The following TBC1D30 variants were observed in gnomAD, a reference collection of about 807,000 sequenced individuals.
The protein encoded by TBC1D30 is TBC1 domain family, member 30.
Under a neutral mutation model 63.2 loss-of-function variants are expected in TBC1D30, and 31 were observed. The ratio of observed to expected loss-of-function variants is 0.49; its 90% CI spans 0.37 to 0.66. The LOEUF is 0.66. Among genes scored for constraint, TBC1D30 ranks in the 30% least tolerant of loss-of-function variants. TBC1D30 has a pLI of 0.00. For synonymous variants in TBC1D30, 307 were observed against 361.5 expected, an observed-to-expected ratio of 0.85 and a Z score of 1.71; for missense variants, 810 against 953.6, an observed-to-expected ratio of 0.85 and a Z score of 1.98.
chr12:64,839,306 T>C (rs2136392190), intron 7 of TBC1D30, among the ~76,000 whole-genome samples: 1 of 152,346 alleles, frequency 6.6e-6, no homozygotes, highest in African/African-American at 2.4e-5. Flanking sequence ...GTAGAACACA[T>C]AGAACTTCTT....
chr12:64,827,990 T>G (rs190196939), intron 2 of TBC1D30, 94 bp downstream of exon 2: 290 of 871,042 alleles, frequency 3.3e-4, no homozygotes, highest in Non-Finnish European at 4.2e-4. Flanking sequence ...TTCTTTGATA[T>G]GAATGTGAAG....
At chr12:64,794,390 C>G (rs1872124514) in intron 2 of TBC1D30, among the ~76,000 whole-genome samples, 1 of 151,588 alleles carries the variant, frequency 6.6e-6, no homozygotes. Context: ...TTTCCTCTTT[C>G]TGGGGTTCTA....
chr12:64,799,495 T>C (rs544719263), intron 2 of TBC1D30, among the ~76,000 whole-genome samples: 1 of 152,368 alleles, frequency 6.6e-6, no homozygotes, highest in Non-Finnish European at 1.5e-5. Context: ...AAGGCAATTA[T>C]GAAGGTTGCT....
rs1194537729 is a variant in TBC1D30 at position 64,875,525 on chromosome 12, C to T, written c.2023C>T (p.His675Tyr). The change falls in exon 12 of 12, where the codon CAC (histidine) becomes TAC (tyrosine). Residue 675 changes from histidine to tyrosine, a missense_variant. His to Tyr is a moderately conservative substitution (Grantham distance 83). Coordinates refer to ENST00000539867, the MANE Select transcript of TBC1D30 (RefSeq NM_015279.2). ...DAAAETELRV[H>Y]PPCQRHCPEP... ...TGCAGCTGAAACTGAGCTCAGGGTG[C>T]ACCCACCCTGCCAGCGGCACTGCCC... 11 of 1,536,008 alleles carry T rather than the reference C, an allele frequency of 7.2e-6. No individual in the cohort carries two copies. The highest frequency in any genetic ancestry group is 9.6e-6 in the Non-Finnish European group (11 of 1,146,916).
intron 1 of TBC1D30, among the ~76,000 whole-genome samples, chr12:64,771,601 G>T (rs143982872): frequency 6.6e-6 from 1 of 152,112 alleles, no homozygotes; most frequent in African/African-American, 2.4e-5. Flanking sequence ...CTCAGCTCAC[G>T]TCCAAGGGCC....
At chr12:64,781,974 G>T (rs569167743) in intron 1 of TBC1D30, among the ~76,000 whole-genome samples, 1 of 151,878 alleles carries the variant, frequency 6.6e-6, no homozygotes, top group Non-Finnish European at 1.5e-5. Context: ...GCATGGAGAG[G>T]TCGACCTGAG....
At chr12:64,808,700 A>G (rs2136326682) in intron 2 of TBC1D30, among the ~76,000 whole-genome samples, 1 of 152,280 alleles carries the variant, frequency 6.6e-6, no homozygotes, top group Middle Eastern at 3.4e-3. Flanking sequence ...TCATCTTGCA[A>G]AATTGAAACT....
At chr12:64,780,793 C>A in exon 1 of TBC1D30, 1 of 990,618 alleles carries the variant, frequency 1.0e-6, no homozygotes, top group African/African-American at 1.7e-5. Flanking sequence ...AGCCGGGCAG[C>A]CGCGCGCCGG....
At chr12:64,776,433 C>T (rs959278026), upstream of TBC1D30, among the ~76,000 whole-genome samples, 5 of 152,116 alleles carry the variant, frequency 3.3e-5, no homozygotes, top group Admixed American at 2.0e-4. Flanking sequence ...AATATTACCA[C>T]TGAACACACA....
rs1878598873 is a variant in TBC1D30 at position 64,870,808 on chromosome 12, G to A, written c.1498G>A (p.Asp500Asn). Residue 500 changes from aspartate (D) to asparagine (N), a missense_variant and splice_region_variant, in exon 11 of 12, where the codon GAC becomes AAC. By Grantham distance (23) the Asp-to-Asn change is conservative (BLOSUM62 1). Around this residue, in one of 4 missense-constraint regions of TBC1D30, gnomAD observed 450 missense variants for 473.0 expected, o/e 0.95. Coordinates refer to ENST00000539867, the MANE Select transcript of TBC1D30 (RefSeq NM_015279.2). ...QQVHQVYIRA[D>N]KGPVTSILPS... ...GGTTCATCAGGTGTACATCAGGGCA[G>A]GTAATGTGATTCTTCATTTGAATCA... 6 of 1,535,766 alleles carry A rather than the reference G, an allele frequency of 3.9e-6. No individual in the cohort carries two copies. The highest frequency in any genetic ancestry group is 1.4e-5 in the African/African-American group (1 of 73,022).
chr12:64,766,409 TAAAG>T (rs1051784355), intron 1 of TBC1D30, among the ~76,000 whole-genome samples: 11 of 152,000 alleles, frequency 7.2e-5, no homozygotes, highest in African/African-American at 2.7e-4. Context: ...AAACTAGTAA[TAAAG>T]AAAAGTAGAC....
At position 64,830,478 on chromosome 12, in the gene TBC1D30, C is replaced by T; in HGVS notation, c.384C>T (p.Asp128=). Residue 128 remains aspartate, a synonymous_variant, in exon 4 of 12, where the codon GAC becomes GAT. Transcript: ENST00000539867. ...ATGAAAGGAGTAATCCTGATGATGA[C>T]TCCATGGGAATTCAGATAGTCAAGG... is the stretch of plus-strand genomic sequence containing the variant. ...TFNERSNPDD[D]SMGIQIVKDL... is the part of the protein sequence containing the mutation. 6.5e-7 allele frequency: 1 copy of T among 1,534,154 alleles called. No homozygotes were observed. Among genetic ancestry groups the T allele is most frequent in the South Asian group, 1.2e-5 (1 of 83,748 alleles).
At chr12:64,824,624 C>T (rs9804897), upstream of TBC1D30, 2 of 393,546 alleles carry the variant, frequency 5.1e-6, no homozygotes, top group South Asian at 1.8e-4. Context: ...CCGCCCTCCC[C>T]GCCTCGAGCG....
intron 2 of TBC1D30, among the ~76,000 whole-genome samples, chr12:64,790,904 A>T (rs1871879380): frequency 6.6e-6 from 1 of 152,176 alleles, no homozygotes; most frequent in Non-Finnish European, 1.5e-5. Context: ...TATAAAAATA[A>T]TCCACCCAGC....
chr12:64,847,459 A>C (rs575605239), intron 8 of TBC1D30, among the ~76,000 whole-genome samples: 1 of 151,960 alleles, frequency 6.6e-6, no homozygotes, highest in African/African-American at 2.4e-5. Context: ...GTGCTTTAAT[A>C]TATGTCATTA....
chr12:64,785,615 T>C (rs1211801785), intron 1 of TBC1D30, among the ~76,000 whole-genome samples: 2 of 152,154 alleles, frequency 1.3e-5, no homozygotes, highest in African/African-American at 4.8e-5. Context: ...GAGCTAGATA[T>C]GGTAAAAGTA....
chr12:64,771,851 G>C (rs1314110110), intron 1 of TBC1D30, among the ~76,000 whole-genome samples: 1 of 152,156 alleles, frequency 6.6e-6, no homozygotes, highest in Non-Finnish European at 1.5e-5. Flanking sequence ...TGGACTCACT[G>C]GCAGTGGTGA....
At chr12:64,787,318 A>G (rs1218421247) in intron 2 of TBC1D30, 1 of 965,468 alleles carries the variant, frequency 1.0e-6, no homozygotes, top group Non-Finnish European at 1.2e-6. Context: ...TATTCTGCTA[A>G]CATTTAACTA....
At chr12:64,860,777 G>T (rs1017857337) in intron 8 of TBC1D30, among the ~76,000 whole-genome samples, 1 of 152,212 alleles carries the variant, frequency 6.6e-6, no homozygotes, top group Non-Finnish European at 1.5e-5. Context: ...CTATGAGTTG[G>T]AGTGTGAGCA....
Sources: allele counts gnomAD v4.1 joint callset (sites outside exome capture counted in the v4.1 genomes callset), GRCh38; gene constraint gnomAD v4.1.1; regional missense constraint gnomAD v4.1.1; transcripts MANE v1.5; gene names NCBI Gene and HGNC (gene_info 2026-07-23, HGNC 2026-07-21).